Variants in COL23A1 observed in about 807,000 individuals in gnomAD.
COL23A1 encodes collagen alpha-1(XXIII) chain.
Under a neutral mutation model 99.3 loss-of-function variants are expected in COL23A1, and 97 were observed. That is an observed-to-expected ratio of 0.98 (90% confidence interval 0.83 to 1.16). The LOEUF (loss-of-function observed/expected upper bound fraction) is 1.16, where lower values mean the gene tolerates loss of function less well. Ranked by LOEUF, COL23A1 falls within the 50% of genes most tolerant of loss-of-function variation. The pLI, the probability that COL23A1 is intolerant of heterozygous loss-of-function variation, is 0.00. For synonymous variants in COL23A1, 320 were observed against 308.2 expected, an observed-to-expected ratio of 1.04 and a Z score of -0.40; for missense variants, 762 against 757.4, an observed-to-expected ratio of 1.01 and a Z score of -0.07.
chr5:178,296,563 T>G (rs1204161743), intron 3 of COL23A1, among the ~76,000 whole-genome samples: 2 of 150,834 alleles, frequency 1.3e-5, no homozygotes, highest in African/African-American at 4.9e-5. Flanking sequence ...GGCCACGCCG[T>G]TTTTTTTTCC....
At chr5:178,336,295 T>C (rs1462394038) in intron 2 of COL23A1, among the ~76,000 whole-genome samples, 4 of 152,242 alleles carry the variant, frequency 2.6e-5, no homozygotes, top group Non-Finnish European at 5.9e-5. Flanking sequence ...CGAATGTTCC[T>C]AGCAGCATTA....
intron 2 of COL23A1, among the ~76,000 whole-genome samples, chr5:178,321,478 CCCTTT>C (rs1759302441): frequency 6.9e-6 from 1 of 144,586 alleles, no homozygotes; most frequent in African/African-American, 2.6e-5. Context: ...AGGTCACCTT[CCCTTT>C]TTTTTTTTTT....
At chr5:178,557,940 AG>A (rs1309509551) in intron 2 of COL23A1, among the ~76,000 whole-genome samples, 1 of 151,962 alleles carries the variant, frequency 6.6e-6, no homozygotes, top group African/African-American at 2.4e-5. Flanking sequence ...GGGTCTGGCT[AG>A]GGTCGTCATG....
intron 2 of COL23A1, among the ~76,000 whole-genome samples, chr5:178,352,498 C>T (rs965050290): frequency 6.6e-6 from 1 of 152,176 alleles, no homozygotes; most frequent in African/African-American, 2.4e-5. Context: ...TCATAAGGAG[C>T]AACAGTTCAT....
At chr5:178,467,206 T>G (rs1332109682) in intron 2 of COL23A1, among the ~76,000 whole-genome samples, 1 of 152,158 alleles carries the variant, frequency 6.6e-6, no homozygotes, top group African/African-American at 2.4e-5. Context: ...CCTGACATCT[T>G]TAGGGACAGG....
rs192854309 is a variant in COL23A1 at position 178,282,952 on chromosome 5, C to A, written c.441+5372G>T. ...GTGGCGTAATCTTGGCTCACTGCAACCTCTGCCTCCTGGGTTCAAGTGATT... is the reference window on the plus strand; with the variant it reads ...GTGGCGTAATCTTGGCTCACTGCAAACTCTGCCTCCTGGGTTCAAGTGATT... On this transcript the variant is annotated intron_variant, in intron 5 of 28. Coordinates refer to ENST00000390654, the MANE Select transcript of COL23A1 (RefSeq NM_173465.4). 5.8e-3 allele frequency among the ~76,000 whole-genome samples: 878 copies of A among 152,218 alleles called. 11 individuals carry two copies. The highest frequency in any genetic ancestry group is 0.02 in the African/African-American group (839 of 41,508).
At chr5:178,504,410 C>T (rs113154176) in intron 2 of COL23A1, among the ~76,000 whole-genome samples, 8,471 of 152,180 alleles carry the variant, frequency 0.056, 298 homozygotes, top group Middle Eastern at 0.12. Flanking sequence ...CATGGTGGGG[C>T]GGACCCTGGG....
chr5:178,511,082 T>C (rs1759180159), intron 2 of COL23A1, among the ~76,000 whole-genome samples: 1 of 152,240 alleles, frequency 6.6e-6, no homozygotes, highest in East Asian at 1.9e-4. Flanking sequence ...AAAATTATTA[T>C]TGTAACGTGG....
intron 5 of COL23A1, among the ~76,000 whole-genome samples, chr5:178,274,543 CG>C (rs769902318): frequency 1.4e-5 from 2 of 148,052 alleles, no homozygotes; most frequent in Non-Finnish European, 3.0e-5. Context: ...CCAGACTGGG[CG>C]GGGGCATGCC....
chr5:178,352,846 G>C (rs972737988), intron 2 of COL23A1, among the ~76,000 whole-genome samples: 7 of 152,140 alleles, frequency 4.6e-5, no homozygotes, highest in African/African-American at 1.4e-4. Context: ...CAGCACGTCT[G>C]TTTGTCCATC....
chr5:178,275,582 C>A (rs2127570377), intron 5 of COL23A1, among the ~76,000 whole-genome samples: 1 of 152,320 alleles, frequency 6.6e-6, no homozygotes, highest in Non-Finnish European at 1.5e-5. Context: ...ATCATGAGGT[C>A]AGCGTGCTCC....
chr5:178,318,528 T>C (rs1266073468), intron 2 of COL23A1, among the ~76,000 whole-genome samples: 1 of 152,114 alleles, frequency 6.6e-6, no homozygotes, highest in East Asian at 1.9e-4. Flanking sequence ...CTCAGAGCCA[T>C]GAGAACATCT....
At chr5:178,465,677 G>C (rs1041416478) in intron 2 of COL23A1, among the ~76,000 whole-genome samples, 1 of 152,208 alleles carries the variant, frequency 6.6e-6, no homozygotes, top group African/African-American at 2.4e-5. Context: ...CTTTGGTGTC[G>C]GGAACGCAGC....
intron 2 of COL23A1, among the ~76,000 whole-genome samples, chr5:178,556,117 G>A (rs1039485026): frequency 1.3e-5 from 2 of 152,146 alleles, no homozygotes; most frequent in African/African-American, 4.8e-5. Flanking sequence ...GGCGGGGACT[G>A]GCCAAGTGCA....
chr5:178,497,072 C>T (rs180747547), intron 2 of COL23A1, among the ~76,000 whole-genome samples: 3 of 152,244 alleles, frequency 2.0e-5, no homozygotes, highest in South Asian at 2.1e-4. Context: ...CAGAACTCTA[C>T]GTCTGGTATA....
At chr5:178,272,709 C>T (rs1756359457) in intron 5 of COL23A1, among the ~76,000 whole-genome samples, 1 of 152,142 alleles carries the variant, frequency 6.6e-6, no homozygotes. Context: ...GCCTTCTGCC[C>T]TCGGTAGTAC....
chr5:178,383,514 C>T (rs1043830286), intron 2 of COL23A1, among the ~76,000 whole-genome samples: 8 of 152,224 alleles, frequency 5.3e-5, no homozygotes, highest in Non-Finnish European at 1.5e-5. Context: ...AGGCCTGGCA[C>T]CCAATTTGGG....
chr5:178,502,213 G>C lies in COL23A1; in HGVS notation c.361+58469C>G, dbSNP rs113473943. Among the ~76,000 whole-genome samples the C allele has an allele frequency of 3.1e-3, 478 of 152,234 alleles. 1 individual carries two copies. The highest frequency in any genetic ancestry group is 5.5e-3 in the Non-Finnish European group (377 of 67,990). ...GTGGCGTGATCTCGGCCCACTGCAA[G>C]CTCTGCCTCCCAGGTTCACGCCATT... On this transcript the variant is annotated intron_variant, in intron 2 of 28. Coordinates refer to ENST00000390654, the MANE Select transcript of COL23A1 (RefSeq NM_173465.4).
chr5:178,502,979 C>T (rs138155771), intron 2 of COL23A1, among the ~76,000 whole-genome samples: 124 of 152,332 alleles, frequency 8.1e-4, no homozygotes, highest in African/African-American at 2.8e-3. Flanking sequence ...ACCCCACACA[C>T]GATGCCAGTC....
Sources: gnomAD v4.1 joint callset for allele counts (sites outside exome capture counted in the v4.1 genomes callset) on GRCh38, gnomAD v4.1.1 for gene constraint, MANE v1.5 for transcripts, NCBI Gene and HGNC (gene_info 2026-07-23, HGNC 2026-07-21) for gene names.